CNTNAP5: variants seen among roughly 807,000 people sequenced by gnomAD.
CNTNAP5 encodes the protein contactin associated protein family member 5.
A neutral mutation model predicts 150.2 loss-of-function variants in CNTNAP5; 72 were observed. The observed-to-expected ratio is 0.48, with a 90% CI of 0.40 to 0.58. The LOEUF (loss-of-function observed/expected upper bound fraction) is 0.58. Among genes scored for constraint, CNTNAP5 ranks in the 20% least tolerant of loss-of-function variants. The probability of loss-of-function intolerance (pLI) is 0.00; values close to 1 mark genes in which losing one functional copy is unlikely to be tolerated. For synonymous variants in CNTNAP5, 672 were observed against 619.8 expected (o/e 1.08, Z -1.25); for missense variants, 1,636 against 1,626.2 (o/e 1.01, Z -0.10).
At chr2:124,358,675 G>T (rs1382687167) in intron 3 of CNTNAP5, among the ~76,000 whole-genome samples, 1 of 152,180 alleles carries the variant, frequency 6.6e-6, no homozygotes, top group East Asian at 1.9e-4. Context: ...TGGTGGATAA[G>T]CTTTTTGATG....
chr2:124,025,317 T>G lies in CNTNAP5; in HGVS notation c.-334T>G. 3 of 291,988 alleles carry G rather than the reference T, an allele frequency of 1.0e-5. No individual in the cohort carries two copies. Among genetic ancestry groups the G allele is most frequent in the Non-Finnish European group, 2.0e-5 (3 of 148,404 alleles). 18.1% of individuals were successfully genotyped at this position (291,988 alleles called of 1,614,324 possible). A position where few individuals can be genotyped will look rare whatever the true frequency, so the allele number is the denominator to read the frequency against. ...CAGCTCTCGCGCCCGACGAGGTGGA[T>G]TTGGCTGTCCACCGAGCTCCGGCGC... On this transcript the variant is annotated 5_prime_UTR_variant, in exon 1 of 24. Coordinates refer to ENST00000682447, the MANE Select transcript of CNTNAP5 (RefSeq NM_001367498.1).
intron 19 of CNTNAP5, among the ~76,000 whole-genome samples, chr2:124,811,356 C>T (rs1275255298): frequency 6.6e-6 from 1 of 152,106 alleles, no homozygotes. Context: ...TTCTTATGTT[C>T]AGTTATTCTA....
intron 3 of CNTNAP5, among the ~76,000 whole-genome samples, chr2:124,337,358 G>A (rs981413286): frequency 2.6e-5 from 4 of 152,112 alleles, no homozygotes; most frequent in African/African-American, 4.8e-5. Context: ...CTTTTGCTGC[G>A]CAGAAGCTCT....
chr2:124,423,160 G>A (rs114145994), intron 4 of CNTNAP5, among the ~76,000 whole-genome samples: 1,784 of 152,208 alleles, frequency 0.012, 26 homozygotes, highest in African/African-American at 0.04. Flanking sequence ...GGTCCTCTGT[G>A]GACACCAGTT....
At chr2:124,714,155 T>C (rs1679897199) in intron 13 of CNTNAP5, among the ~76,000 whole-genome samples, 1 of 152,156 alleles carries the variant, frequency 6.6e-6, no homozygotes, top group African/African-American at 2.4e-5. Flanking sequence ...AAATACTTGT[T>C]TGCCTTCTCA....
At chr2:124,892,857 G>A (rs1678226956) in intron 21 of CNTNAP5, among the ~76,000 whole-genome samples, 1 of 152,092 alleles carries the variant, frequency 6.6e-6, no homozygotes, top group Non-Finnish European at 1.5e-5. Context: ...TTTGCATGAA[G>A]GCGTTGAAGA....
At chr2:124,088,869 C>T (rs913607759) in intron 1 of CNTNAP5, among the ~76,000 whole-genome samples, 1 of 152,172 alleles carries the variant, frequency 6.6e-6, no homozygotes, top group African/African-American at 2.4e-5. Context: ...AGTGCAGGTT[C>T]ACCACTCGGC....
chr2:124,733,922 C>A (rs540307314), intron 13 of CNTNAP5, among the ~76,000 whole-genome samples: 6 of 151,976 alleles, frequency 3.9e-5, no homozygotes, highest in Non-Finnish European at 8.8e-5. Context: ...AGTTAAGAGA[C>A]TAGTGTTTGT....
intron 13 of CNTNAP5, among the ~76,000 whole-genome samples, chr2:124,713,233 TTCTTTCTTTC>T (rs769353916): frequency 0.095 from 4,588 of 48,498 alleles, 681 homozygotes; most frequent in African/African-American, 0.12. Context: ...CTTTCTTTCT[TTCTTTCTTTC>T]TCTTTCTTTC....
At chr2:124,208,999 G>T (rs577769624) in intron 1 of CNTNAP5, among the ~76,000 whole-genome samples, 1 of 152,144 alleles carries the variant, frequency 6.6e-6, no homozygotes, top group African/African-American at 2.4e-5. Context: ...CATTTTCCAT[G>T]GAGGAATACT....
chr2:124,813,188 TGCCTCA>T (rs887759230), intron 19 of CNTNAP5, among the ~76,000 whole-genome samples: 1 of 152,058 alleles, frequency 6.6e-6, no homozygotes, highest in African/African-American at 2.4e-5. Context: ...GCCATTTTCC[TGCCTCA>T]GCCTCCCGAG....
intron 1 of CNTNAP5, among the ~76,000 whole-genome samples, chr2:124,137,155 T>C (rs1683992328): frequency 6.6e-6 from 1 of 152,148 alleles, no homozygotes; most frequent in Admixed American, 6.5e-5. Flanking sequence ...TCGTACTGCC[T>C]AGAACATGGT....
intron 3 of CNTNAP5, among the ~76,000 whole-genome samples, chr2:124,314,857 C>A (rs1443315113): frequency 6.6e-6 from 1 of 152,042 alleles, no homozygotes; most frequent in African/African-American, 2.4e-5. Context: ...AATAAAATAT[C>A]ATTAATTACA....
At chr2:124,900,713 C>A (rs549198998) in intron 21 of CNTNAP5, among the ~76,000 whole-genome samples, 1 of 151,680 alleles carries the variant, frequency 6.6e-6, no homozygotes, top group East Asian at 1.9e-4. Context: ...TGAGAGCTGG[C>A]AATGTTGACT....
chr2:124,587,487 A>G (rs1461473010), intron 11 of CNTNAP5, among the ~76,000 whole-genome samples: 1 of 152,224 alleles, frequency 6.6e-6, no homozygotes, highest in African/African-American at 2.4e-5. Context: ...GGTATAGAAT[A>G]GTTGTCTCCA....
chr2:124,372,342 T>C (rs1465532394), intron 3 of CNTNAP5, among the ~76,000 whole-genome samples: 1 of 152,060 alleles, frequency 6.6e-6, no homozygotes, highest in Non-Finnish European at 1.5e-5. Flanking sequence ...CTTTTTTTGT[T>C]CTCCAGCTTG....
chr2:124,575,174 C>T (rs1016914290), intron 11 of CNTNAP5, among the ~76,000 whole-genome samples: 13 of 152,206 alleles, frequency 8.5e-5, no homozygotes, highest in Non-Finnish European at 1.8e-4. Flanking sequence ...CAAGGACATT[C>T]AGGTACAACA....
At chr2:124,430,357 G>T (rs1271749448) in intron 4 of CNTNAP5, among the ~76,000 whole-genome samples, 1 of 152,126 alleles carries the variant, frequency 6.6e-6, no homozygotes, top group Non-Finnish European at 1.5e-5. Context: ...TTTCCTCAAA[G>T]GTTAATTGAT....
intron 19 of CNTNAP5, among the ~76,000 whole-genome samples, chr2:124,848,436 T>C (rs539783149): frequency 1.3e-5 from 2 of 152,324 alleles, no homozygotes; most frequent in South Asian, 2.1e-4. Context: ...TATTTCTATA[T>C]CTTGGCTACT....
Sources: gnomAD v4.1 joint callset for allele counts (sites outside exome capture counted in the v4.1 genomes callset) on GRCh38, gnomAD v4.1.1 for gene constraint, MANE v1.5 for transcripts, NCBI Gene and HGNC (gene_info 2026-07-23, HGNC 2026-07-21) for gene names.